Variants in DCHS2 observed in about 807,000 individuals in gnomAD.
DCHS2 encodes the protein dachsous cadherin-related 2.
A neutral mutation model predicts 182.4 loss-of-function variants in DCHS2; 142 were observed. The ratio of observed to expected loss-of-function variants is 0.78; its 90% CI spans 0.68 to 0.89. DCHS2 has a LOEUF of 0.89. Among genes scored for constraint, DCHS2 ranks in the 40% least tolerant of loss-of-function variants. DCHS2 has a pLI of 0.00. For synonymous variants in DCHS2, 1,740 were observed against 1,663.3 expected (o/e 1.05, Z -1.12); for missense variants, 4,319 against 4,198.6 (o/e 1.03, Z -0.79).
rs549419719 is a variant in DCHS2, at chr4:154,301,569, A to C, written c.5606-2861T>G. ...TGCCCAGGCTGGAGTGCAATGGCGC[A>C]ATCTCAGCTCACCTCAACCTCTGCC... On this transcript the variant is annotated intron_variant, in intron 12 of 19. Transcript: ENST00000357232. Among the ~76,000 whole-genome samples, 8 of 152,170 alleles carry C rather than the reference A, an allele frequency of 5.3e-5. No individual in the cohort carries two copies. In the South Asian group the frequency reaches 1.5e-3, roughly 28 times the overall value.
At chr4:154,274,769 T>C (rs751093213) in intron 13 of DCHS2, among the ~76,000 whole-genome samples, 1 of 152,088 alleles carries the variant, frequency 6.6e-6, no homozygotes, top group Non-Finnish European at 1.5e-5. Flanking sequence ...ATTAGAAAAA[T>C]CCTGGTCTCT....
chr4:154,389,375 G>A (rs1449232041), intron 1 of DCHS2, among the ~76,000 whole-genome samples: 1 of 151,708 alleles, frequency 6.6e-6, no homozygotes, highest in Admixed American at 6.6e-5. Context: ...CAACACTTCA[G>A]GCCCAGGAAT....
intron 1 of DCHS2, among the ~76,000 whole-genome samples, chr4:154,389,516 T>TATATATATATATATATATATATA (rs1731575119): frequency 8.1e-5 from 9 of 111,196 alleles, no homozygotes; most frequent in African/African-American, 1.6e-4. Context: ...AAGACAAAGG[T>TATATATATATATATATATATATA]TATATATATA....
intron 1 of DCHS2, among the ~76,000 whole-genome samples, chr4:154,392,980 T>G (rs1287521440): frequency 3.3e-5 from 5 of 152,214 alleles, no homozygotes; most frequent in African/African-American, 1.2e-4. Context: ...GGCTTCCTGA[T>G]TTCATCTCAC....
At chr4:154,424,965 T>C (rs1163938557) in intron 1 of DCHS2, among the ~76,000 whole-genome samples, 3 of 152,216 alleles carry the variant, frequency 2.0e-5, no homozygotes, top group Non-Finnish European at 2.9e-5. Context: ...CTGGCAGCTC[T>C]ATTTCTTTTT....
intron 2 of DCHS2, among the ~76,000 whole-genome samples, chr4:154,372,337 C>A (rs1730682815): frequency 6.6e-6 from 1 of 152,166 alleles, no homozygotes; most frequent in Admixed American, 6.5e-5. Context: ...TGCCTTTTTA[C>A]TCAGCAAGTT....
Position 154,234,686 on chromosome 4 carries a change from T to C in DCHS2, c.9966A>G (p.Glu3322=). 3 of 1,613,952 alleles carry C rather than the reference T, an allele frequency of 1.9e-6. No individual in the cohort carries two copies. Among genetic ancestry groups the C allele is most frequent in the Non-Finnish European group, 2.5e-6 (3 of 1,179,930 alleles). ...ATGGAGAAAAATTGGGAGTCATGCCTTCTGGCAGAGAACCAAGATGGTAGG... is the reference window on the plus strand; with the variant it reads ...ATGGAGAAAAATTGGGAGTCATGCCCTCTGGCAGAGAACCAAGATGGTAGG... ...PIPYHLGSLP[E]GMTPNFSPSL... The change falls in exon 20 of 20, where the codon GAA becomes GAG. Residue 3322 remains glutamate (E), a synonymous_variant. Transcript: ENST00000357232.
At chr4:154,355,120 G>A (rs957376345) in intron 3 of DCHS2, among the ~76,000 whole-genome samples, 28 of 152,080 alleles carry the variant, frequency 1.8e-4, no homozygotes, top group Admixed American at 1.7e-3. Context: ...CTATTGGGCT[G>A]CATTCCCAGG....
At chr4:154,475,755 G>A (rs547652919) in intron 1 of DCHS2, among the ~76,000 whole-genome samples, 31 of 152,280 alleles carry the variant, frequency 2.0e-4, no homozygotes, top group African/African-American at 7.5e-4. Context: ...CCACTTATAA[G>A]AAATAGCTGA....
chr4:154,378,188 C>G (rs772441836), intron 1 of DCHS2, among the ~76,000 whole-genome samples: 1 of 152,054 alleles, frequency 6.6e-6, no homozygotes, highest in Non-Finnish European at 1.5e-5. Flanking sequence ...ATGTTACCAG[C>G]AATCCTGTGC....
intron 1 of DCHS2, chr4:154,384,227 C>T: frequency 7.5e-7 from 1 of 1,341,150 alleles, no homozygotes; most frequent in Non-Finnish European, 1.0e-6. Flanking sequence ...GTTCCAAAGT[C>T]TAATGATCGA....
chr4:154,490,691 T>A lies in DCHS2; in HGVS notation c.665A>T (p.Gln222Leu), dbSNP rs1283592771. ...TGGCCCCGGAGTCCGGTAGCGCAAC[T>A]GGAAGAACGGGCCTGCGGGGTCCTT... is the stretch of plus-strand genomic sequence containing the variant. ...LPKDPAGPFFQLRYRTPGPLP... is the reference protein window; with the variant it reads ...LPKDPAGPFFLLRYRTPGPLP... Residue 222 changes from glutamine to leucine, a missense_variant, in exon 1 of 20, where the codon CAG (glutamine) becomes CTG (leucine). Transcript: ENST00000357232. 2.6e-6 allele frequency: 4 copies of A among 1,551,528 alleles called. No individual in the cohort carries two copies. Among genetic ancestry groups the A allele is most frequent in the Admixed American group, 2.0e-5 (1 of 50,994 alleles).
intron 1 of DCHS2, among the ~76,000 whole-genome samples, chr4:154,463,692 T>TTCGC (rs1553955515): frequency 2.8e-5 from 4 of 145,266 alleles, no homozygotes; most frequent in African/African-American, 7.6e-5. Context: ...ATTCTCTCTT[T>TTCGC]TCTCTCTCTC....
rs539852335 is a variant in DCHS2 at position 154,283,961 on chromosome 4, A to G, written c.6463+13890T>C. Among the ~76,000 whole-genome samples the G allele has an allele frequency of 3.9e-5, 6 of 152,346 alleles. No homozygotes were observed. The East Asian group carries it at 7.7e-4, about 20-fold the overall frequency. Reference sequence around the variant, plus strand: ...ATCCAGAGCCTGCATGTGTTCAGAAAGAAAGGTTGCATAATTTTTCTATGT... The same window carrying G: ...ATCCAGAGCCTGCATGTGTTCAGAAGGAAAGGTTGCATAATTTTTCTATGT... On this transcript the variant is annotated intron_variant, in intron 13 of 19. Transcript: ENST00000357232.
At chr4:154,316,838 G>T (rs986520188) in intron 9 of DCHS2, among the ~76,000 whole-genome samples, 7 of 152,046 alleles carry the variant, frequency 4.6e-5, no homozygotes, top group Non-Finnish European at 8.8e-5. Context: ...CACTTCACAA[G>T]TAAAATGTGT....
intron 1 of DCHS2, among the ~76,000 whole-genome samples, chr4:154,387,790 T>C (rs1037574564): frequency 2.0e-5 from 3 of 152,130 alleles, no homozygotes; most frequent in Non-Finnish European, 4.4e-5. Flanking sequence ...AAAATGTTAA[T>C]GTCCTTAATG....
chr4:154,264,007 G>A (rs928172265), intron 14 of DCHS2, among the ~76,000 whole-genome samples: 9 of 151,820 alleles, frequency 5.9e-5, no homozygotes, highest in African/African-American at 1.2e-4. Context: ...AAAATCTTCC[G>A]TATTAGTTTA....
chr4:154,488,214 C>CA (rs36027457), intron 1 of DCHS2, among the ~76,000 whole-genome samples: 78,125 of 146,716 alleles, frequency 0.53, 20,823 homozygotes, highest in East Asian at 0.84. Context: ...AAATCGGAAG[C>CA]AAAAAAAAAA....
At position 154,490,981 on chromosome 4, in the gene DCHS2, G is replaced by A; in HGVS notation, c.375C>T (p.Ile125=). The stretch of plus-strand genomic sequence containing the variant: ...CGCGGTCCAGGCGCCGCGCAGTGCG[G>A]ATGATGCCGGTGTCCGGGTGCACGT... The part of the protein sequence containing the change: ...DFHVHPDTGI[I]RTARRLDRER... The change falls in exon 1 of 20, where the codon ATC becomes ATT. Residue 125 remains isoleucine (I), a synonymous_variant. Transcript: ENST00000357232. 2 of 1,550,566 alleles carry A rather than the reference G, an allele frequency of 1.3e-6. No individual in the cohort carries two copies. Among genetic ancestry groups the A allele is most frequent in the East Asian group, 2.4e-5 (1 of 40,876 alleles).
Sources: allele counts gnomAD v4.1 joint callset (sites outside exome capture counted in the v4.1 genomes callset), GRCh38; gene constraint gnomAD v4.1.1; transcripts MANE v1.5; gene names NCBI Gene and HGNC (gene_info 2026-07-23, HGNC 2026-07-21).